SNTG1: variants seen among roughly 807,000 people sequenced by gnomAD.
SNTG1 encodes the protein syntrophin gamma 1.
In SNTG1, 39 loss-of-function variants were observed where a neutral mutation model predicts 74.7. The observed-to-expected ratio is 0.52, with a 90% CI of 0.40 to 0.68. The LOEUF (loss-of-function observed/expected upper bound fraction) is 0.68, where lower values mean the gene tolerates loss of function less well. Among genes scored for constraint, SNTG1 ranks in the 30% least tolerant of loss-of-function variants. The pLI, the probability that SNTG1 is intolerant of heterozygous loss-of-function variation, is 0.00. For missense variants in SNTG1, 685 were observed against 609.5 expected, an observed-to-expected ratio of 1.12 and a Z score of -1.30; for synonymous variants, 254 against 217.1, an observed-to-expected ratio of 1.17 and a Z score of -1.49.
At chr8:50,646,877 T>C in intron 13 of SNTG1, among the ~76,000 whole-genome samples, 1 of 151,990 alleles carries the variant, frequency 6.6e-6, no homozygotes, top group East Asian at 1.9e-4. Flanking sequence ...AGACAATATC[T>C]CAATGAAACA....
At chr8:49,952,500 T>A (rs896023720) in intron 1 of SNTG1, among the ~76,000 whole-genome samples, 7 of 152,194 alleles carry the variant, frequency 4.6e-5, no homozygotes, top group African/African-American at 1.7e-4. Context: ...GAGGCTGCTG[T>A]GGCTGGAGCT....
intron 1 of SNTG1, among the ~76,000 whole-genome samples, chr8:50,072,164 T>C (rs1821426968): frequency 6.6e-6 from 1 of 152,186 alleles, no homozygotes; most frequent in Admixed American, 6.5e-5. Flanking sequence ...TCTATTTGCC[T>C]TGGACAAGTA....
At chr8:50,352,108 A>T (rs916964022) in intron 2 of SNTG1, among the ~76,000 whole-genome samples, 2 of 152,186 alleles carry the variant, frequency 1.3e-5, no homozygotes, top group African/African-American at 4.8e-5. Flanking sequence ...TTGATCTGAA[A>T]CAGACTTCAG....
intron 1 of SNTG1, among the ~76,000 whole-genome samples, chr8:50,145,974 A>AT (rs1032464266): frequency 1.0e-4 from 6 of 57,754 alleles, no homozygotes; most frequent in South Asian, 1.3e-3. Context: ...AATAATAATA[A>AT]AAAAAAAAAG....
chr8:50,524,443 T>C (rs1301530122), intron 9 of SNTG1, among the ~76,000 whole-genome samples: 3 of 152,248 alleles, frequency 2.0e-5, no homozygotes, highest in Non-Finnish European at 1.5e-5. Context: ...TAATATACTT[T>C]ATTAAATACT....
chr8:50,281,980 A>G (rs552823616), intron 2 of SNTG1, among the ~76,000 whole-genome samples: 1 of 152,330 alleles, frequency 6.6e-6, no homozygotes, highest in East Asian at 1.9e-4. Context: ...GAGCATCGCC[A>G]TCTTGGACAA....
At chr8:50,611,438 G>C (rs2094849161) in intron 13 of SNTG1, among the ~76,000 whole-genome samples, 1 of 152,086 alleles carries the variant, frequency 6.6e-6, no homozygotes, top group African/African-American at 2.4e-5. Flanking sequence ...TAGATACACA[G>C]CATACTTCGT....
At chr8:50,090,018 G>T (rs1055537272) in intron 1 of SNTG1, among the ~76,000 whole-genome samples, 1 of 152,180 alleles carries the variant, frequency 6.6e-6, no homozygotes, top group Non-Finnish European at 1.5e-5. Flanking sequence ...ATTTCTATAG[G>T]ATCACTCCCA....
intron 18 of SNTG1, among the ~76,000 whole-genome samples, chr8:50,775,871 A>G (rs959404908): frequency 3.8e-4 from 58 of 151,568 alleles, no homozygotes; most frequent in African/African-American, 1.4e-3. Flanking sequence ...AATCTGTCTC[A>G]TTTCATCCAA....
At chr8:50,092,729 T>G (rs1050600438) in intron 1 of SNTG1, among the ~76,000 whole-genome samples, 1 of 152,182 alleles carries the variant, frequency 6.6e-6, no homozygotes, top group African/African-American at 2.4e-5. Context: ...GAATCACATC[T>G]TAGCATTTGC....
At chr8:50,049,153 A>G (rs1445387867) in intron 1 of SNTG1, among the ~76,000 whole-genome samples, 2 of 152,140 alleles carry the variant, frequency 1.3e-5, no homozygotes, top group Non-Finnish European at 2.9e-5. Flanking sequence ...AATACGCTAT[A>G]CATTAAGTCA....
At chr8:50,120,804 A>C (rs577482266) in intron 1 of SNTG1, among the ~76,000 whole-genome samples, 2 of 142,672 alleles carry the variant, frequency 1.4e-5, no homozygotes, top group East Asian at 4.0e-4. Flanking sequence ...ATCAAAAATT[A>C]TGTACCAAGT....
chr8:50,704,644 G>T lies in SNTG1; in HGVS notation c.1083G>T (p.Gln361His), dbSNP rs781059292. 1.9e-6 allele frequency: 3 copies of T among 1,614,028 alleles called. No homozygotes were observed. The highest frequency in any genetic ancestry group is 2.7e-5 in the African/African-American group (2 of 74,912). Residue 361 changes from glutamine (Q) to histidine (H), a missense_variant, in exon 16 of 19, where the codon CAG (glutamine) becomes CAT (histidine). Physicochemically the swap from Gln to His is conservative, Grantham distance 24. Transcript: ENST00000642720. Reference sequence around the variant, plus strand: ...GACGGAAACAGTGCTTCACCGTGCAGTCTGAGTCTGGGGAGGACCTGTACT... The same window carrying T: ...GACGGAAACAGTGCTTCACCGTGCATTCTGAGTCTGGGGAGGACCTGTACT... Reference protein sequence around the residue: ...LDRRKQCFTVQSESGEDLYFS... With the variant: ...LDRRKQCFTVHSESGEDLYFS...
chr8:50,236,661 A>G (rs2085919338), intron 2 of SNTG1, among the ~76,000 whole-genome samples: 1 of 152,000 alleles, frequency 6.6e-6, no homozygotes, highest in Non-Finnish European at 1.5e-5. Flanking sequence ...CGTGTTAGCC[A>G]GGATGGTCTC....
At position 50,673,128 on chromosome 8, in the gene SNTG1, T is replaced by C. The variant is rs186345681; in HGVS notation, c.1038+14465T>C. On this transcript the variant is annotated intron_variant, in intron 15 of 18. Transcript: ENST00000642720. The stretch of plus-strand genomic sequence containing the variant: ...GGCAGCCTGATGCCTCCAACTTCAT[T>C]CTTTTTCCTTAGGATTGTCTTGGCT... 3.0e-3 allele frequency among the ~76,000 whole-genome samples: 454 copies of C among 152,334 alleles called. 3 individuals carry two copies. The highest frequency in any genetic ancestry group is 0.011 in the African/African-American group (439 of 41,586).
Position 50,762,839 on chromosome 8 carries a change from T to C in SNTG1, c.1395+10728T>C, listed in dbSNP as rs2095602806. 7.7e-6 allele frequency: 3 copies of C among 391,184 alleles called. No homozygotes were observed. In the Admixed American group the frequency reaches 8.0e-5, roughly 10 times the overall value. 24.2% of individuals were successfully genotyped at this position (391,184 alleles called of 1,614,324 possible). ...AAGTCTCTTGAGCAATGAAGGTTCCTGCTCCGAAGCCAGACGTCACACTCT... is the reference window on the plus strand; with the variant it reads ...AAGTCTCTTGAGCAATGAAGGTTCCCGCTCCGAAGCCAGACGTCACACTCT... On this transcript the variant is annotated intron_variant, in intron 18 of 18. Coordinates refer to ENST00000642720, the MANE Select transcript of SNTG1 (RefSeq NM_018967.5).
chr8:50,763,937 G>T (rs1296212101), intron 18 of SNTG1, among the ~76,000 whole-genome samples: 3 of 125,812 alleles, frequency 2.4e-5, no homozygotes, highest in Non-Finnish European at 5.2e-5. Context: ...CTATACATAG[G>T]TATAGGAATT....
At position 50,479,933 on chromosome 8, in the gene SNTG1, G is replaced by T. The variant is rs368096536; in HGVS notation, c.364-22845G>T. 3.9e-5 allele frequency among the ~76,000 whole-genome samples: 6 copies of T among 152,186 alleles called. No homozygotes were observed. The South Asian group carries it at 6.2e-4, about 16-fold the overall frequency. ...TGCTGCTGTATTTCTCCTTGAAGAG[G>T]TTCAGTAAATGTTAGTTGATTAGGA... On this transcript the variant is annotated intron_variant, in intron 8 of 18. Transcript: ENST00000642720.
At chr8:50,261,912 G>T (rs911607286) in intron 2 of SNTG1, among the ~76,000 whole-genome samples, 1 of 152,072 alleles carries the variant, frequency 6.6e-6, no homozygotes, top group African/African-American at 2.4e-5. Flanking sequence ...TATCATATAT[G>T]AATGTAAATT....
Sources: gnomAD v4.1 joint callset for allele counts (sites outside exome capture counted in the v4.1 genomes callset) on GRCh38, gnomAD v4.1.1 for gene constraint, MANE v1.5 for transcripts, NCBI Gene and HGNC (gene_info 2026-07-23, HGNC 2026-07-21) for gene names.